The following MPPED2 variants were observed in gnomAD, a reference collection of about 807,000 sequenced individuals.
The protein encoded by MPPED2 is metallophosphoesterase domain containing 2.
MPPED2 carries 5 observed loss-of-function variants against 33.0 expected under a neutral mutation model. The observed-to-expected ratio is 0.15, with a 90% confidence interval of 0.08 to 0.32. The LOEUF is 0.32. Ranked by LOEUF, MPPED2 falls within the 10% of genes least tolerant of loss-of-function variation. The probability of loss-of-function intolerance (pLI) is 1.00; values close to 1 mark genes in which losing one functional copy is unlikely to be tolerated. For synonymous variants in MPPED2, 136 were observed against 141.9 expected (o/e 0.96, Z 0.29); for missense variants, 275 against 372.1 (o/e 0.74, Z 2.15).
intron 2 of MPPED2, among the ~76,000 whole-genome samples, chr11:30,547,254 A>T (rs1365796813): frequency 6.6e-6 from 1 of 152,224 alleles, no homozygotes; most frequent in African/African-American, 2.4e-5. Context: ...GCATGTCCAG[A>T]ACTCTTTCAA....
chr11:30,398,239 ATTGT>A (rs1947862608), intron 6 of MPPED2, among the ~76,000 whole-genome samples: 2 of 152,266 alleles, frequency 1.3e-5, no homozygotes, highest in South Asian at 2.1e-4. Flanking sequence ...TAGGGCTGAA[ATTGT>A]TTGGGACTGT....
At chr11:30,574,008 G>T (rs143146752) in intron 2 of MPPED2, among the ~76,000 whole-genome samples, 1 of 152,084 alleles carries the variant, frequency 6.6e-6, no homozygotes, top group African/African-American at 2.4e-5. Flanking sequence ...ATTAAAAAGC[G>T]TATAAAGTAA....
intron 3 of MPPED2, among the ~76,000 whole-genome samples, chr11:30,523,778 G>A (rs529438079): frequency 2.0e-5 from 3 of 151,906 alleles, no homozygotes. Context: ...CAGGCATGCA[G>A]AGCTAGCATT....
chr11:30,515,336 G>A (rs1162781474), intron 3 of MPPED2, among the ~76,000 whole-genome samples: 2 of 152,116 alleles, frequency 1.3e-5, no homozygotes, highest in Non-Finnish European at 2.9e-5. Flanking sequence ...GGCTGTGAGA[G>A]AACCAGGGAA....
intron 4 of MPPED2, among the ~76,000 whole-genome samples, chr11:30,432,862 G>A (rs1451698226): frequency 6.6e-6 from 1 of 152,174 alleles, no homozygotes; most frequent in Non-Finnish European, 1.5e-5. Flanking sequence ...AAGTGTCATG[G>A]TATGGAAACA....
Position 30,534,349 on chromosome 11 carries a change from G to T in MPPED2, c.310+1645C>A, listed in dbSNP as rs549359703. On this transcript the variant is annotated intron_variant, in intron 3 of 6. Coordinates refer to ENST00000358117, the MANE Select transcript of MPPED2 (RefSeq NM_001584.3). ...TGCTAATAGTTCATGGATGAAAGTT[G>T]CTAAAATAAAGAGATTATTGTAGAG... 4.6e-5 allele frequency among the ~76,000 whole-genome samples: 7 copies of T among 152,218 alleles called. No individual in the cohort carries two copies. In the South Asian group the frequency reaches 1.2e-3, roughly 27 times the overall value.
chr11:30,444,651 T>C (rs1399393046), intron 4 of MPPED2, among the ~76,000 whole-genome samples: 2 of 152,194 alleles, frequency 1.3e-5, no homozygotes, highest in African/African-American at 2.4e-5. Context: ...ATTAAAAATA[T>C]TTATTATAAT....
At chr11:30,498,260 T>A (rs1353156387) in intron 3 of MPPED2, among the ~76,000 whole-genome samples, 2 of 150,790 alleles carry the variant, frequency 1.3e-5, no homozygotes, top group Non-Finnish European at 2.9e-5. Flanking sequence ...TACTCTAACA[T>A]GGAAAAAAAA....
At chr11:30,532,546 A>G (rs2134456613) in intron 3 of MPPED2, among the ~76,000 whole-genome samples, 1 of 152,318 alleles carries the variant, frequency 6.6e-6, no homozygotes, top group East Asian at 1.9e-4. Context: ...GGTTGTTCTA[A>G]GAACAGTATG....
chr11:30,557,713 T>C (rs1956045841), intron 2 of MPPED2, among the ~76,000 whole-genome samples: 1 of 152,244 alleles, frequency 6.6e-6, no homozygotes, highest in Non-Finnish European at 1.5e-5. Flanking sequence ...TAGAATGATC[T>C]GGATCAACTG....
At chr11:30,445,911 C>A (rs909223109) in intron 4 of MPPED2, among the ~76,000 whole-genome samples, 3 of 152,214 alleles carry the variant, frequency 2.0e-5, no homozygotes, top group African/African-American at 7.2e-5. Flanking sequence ...CTGCTATGAA[C>A]CTGGCTATAC....
chr11:30,573,414 G>A (rs1013237332), intron 2 of MPPED2, among the ~76,000 whole-genome samples: 1 of 152,072 alleles, frequency 6.6e-6, no homozygotes, highest in African/African-American at 2.4e-5. Context: ...TGTTATTTTA[G>A]AGTGTACTCC....
rs185040661 is a variant in MPPED2 at position 30,532,713 on chromosome 11, A to T, written c.310+3281T>A. On this transcript the variant is annotated intron_variant, in intron 3 of 6. Transcript: ENST00000358117. ...TGGGTCTTCCCAGTTGCTCATAATC[A>T]TTACATGTTATACTCCCCTTCCATC... 2.0e-5 allele frequency among the ~76,000 whole-genome samples: 3 copies of T among 152,322 alleles called. No individual in the cohort carries two copies. The East Asian group carries it at 5.8e-4, about 29-fold the overall frequency.
intron 2 of MPPED2, among the ~76,000 whole-genome samples, chr11:30,574,371 G>A (rs1482167625): frequency 1.3e-5 from 2 of 152,144 alleles, no homozygotes; most frequent in Admixed American, 6.5e-5. Flanking sequence ...AGGAGCAATA[G>A]GCTATACCAT....
At chr11:30,555,111 G>T (rs1955903944) in intron 2 of MPPED2, among the ~76,000 whole-genome samples, 1 of 152,120 alleles carries the variant, frequency 6.6e-6, no homozygotes, top group Non-Finnish European at 1.5e-5. Context: ...TTTTCCTAAT[G>T]TTGGACTTTT....
chr11:30,437,608 G>A (rs995167140), intron 4 of MPPED2, among the ~76,000 whole-genome samples: 17 of 152,128 alleles, frequency 1.1e-4, no homozygotes, highest in Admixed American at 7.9e-4. Context: ...AAATCTAGTC[G>A]CCAGCCTTCC....
chr11:30,566,217 C>A (rs370395928), intron 2 of MPPED2, among the ~76,000 whole-genome samples: 2 of 152,048 alleles, frequency 1.3e-5, no homozygotes, highest in African/African-American at 4.8e-5. Flanking sequence ...TGCTTCTGAC[C>A]GATAATTGTT....
intron 3 of MPPED2, among the ~76,000 whole-genome samples, chr11:30,498,068 G>GTT (rs57258633): frequency 0.083 from 12,191 of 147,760 alleles, 1,502 homozygotes; most frequent in African/African-American, 0.27. Flanking sequence ...CATTTTCGTT[G>GTT]TTTTTTTTTT....
chr11:30,503,508 CT>C (rs951036920), intron 3 of MPPED2, among the ~76,000 whole-genome samples: 105 of 151,940 alleles, frequency 6.9e-4, no homozygotes, highest in African/African-American at 2.4e-3. Flanking sequence ...TCTCCACACC[CT>C]TTTTTTTAAA....
Sources: gnomAD v4.1 joint callset for allele counts (sites outside exome capture counted in the v4.1 genomes callset) on GRCh38, gnomAD v4.1.1 for gene constraint, MANE v1.5 for transcripts, NCBI Gene and HGNC (gene_info 2026-07-23, HGNC 2026-07-21) for gene names.